Variants in WDR72 observed in about 807,000 individuals in gnomAD.
The protein encoded by WDR72 is WD repeat domain 72.
A neutral mutation model predicts 124.2 loss-of-function variants in WDR72; 120 were observed. The observed-to-expected ratio is 0.97, with a 90% CI of 0.83 to 1.12. The LOEUF (loss-of-function observed/expected upper bound fraction) is 1.12. WDR72 is among the 50% of genes most tolerant of loss of function. WDR72 has a pLI of 0.00. For synonymous variants in WDR72, 452 were observed against 441.7 expected, an observed-to-expected ratio of 1.02 and a Z score of -0.29; for missense variants, 1,387 against 1,278.8, an observed-to-expected ratio of 1.08 and a Z score of -1.29.
chr15:53,573,240 C>T (rs570214561), intron 18 of WDR72, among the ~76,000 whole-genome samples: 57 of 152,296 alleles, frequency 3.7e-4, no homozygotes, highest in African/African-American at 1.2e-3. Context: ...CTATTTCCTT[C>T]ATTCCATGAT....
chr15:53,615,475 CTAAAAA>C lies in WDR72; in HGVS notation c.2725_2730del (p.Phe909_Leu910del). 6.2e-7 allele frequency: 1 copy of C among 1,612,056 alleles called. No individual in the cohort carries two copies. The highest frequency in any genetic ancestry group is 8.5e-7 in the Non-Finnish European group (1 of 1,179,066). On this transcript the variant is annotated inframe_deletion, in exon 15 of 20. Coordinates refer to ENST00000360509, the MANE Select transcript of WDR72 (RefSeq NM_182758.4). The stretch of plus-strand genomic sequence containing the variant: ...AAAGGCATGTTAACTAATTTATTAA[CTAAAAA>C]TAGTCTGCTCAACAAATAAACTATA...
At chr15:53,742,715 A>C (rs2018541762) in intron 1 of WDR72, among the ~76,000 whole-genome samples, 1 of 152,206 alleles carries the variant, frequency 6.6e-6, no homozygotes, top group African/African-American at 2.4e-5. Flanking sequence ...ATAGAGGTCA[A>C]ATGAATTTCT....
chr15:53,679,499 G>A (rs765881413), intron 13 of WDR72, among the ~76,000 whole-genome samples: 3 of 152,106 alleles, frequency 2.0e-5, no homozygotes, highest in Non-Finnish European at 4.4e-5. Context: ...GGGACCATTG[G>A]CCATCAGGAG....
chr15:53,721,753 GTT>G (rs1398679829), intron 3 of WDR72, among the ~76,000 whole-genome samples: 1 of 152,104 alleles, frequency 6.6e-6, no homozygotes, highest in Non-Finnish European at 1.5e-5. Flanking sequence ...GGCTTATCTT[GTT>G]TCAACTAGAA....
At chr15:53,682,109 C>T (rs190450899) in intron 13 of WDR72, among the ~76,000 whole-genome samples, 1 of 148,280 alleles carries the variant, frequency 6.7e-6, no homozygotes, top group Non-Finnish European at 1.5e-5. Context: ...ACAATGCACA[C>T]CAGAAACCAC....
intron 14 of WDR72, among the ~76,000 whole-genome samples, chr15:53,630,764 G>A (rs1302515485): frequency 5.3e-5 from 8 of 152,274 alleles, no homozygotes; most frequent in South Asian, 2.1e-4. Context: ...TACTTATGGT[G>A]AAAAACCAAA....
chr15:53,730,781 A>C (rs1026334061), intron 2 of WDR72, among the ~76,000 whole-genome samples: 1 of 152,136 alleles, frequency 6.6e-6, no homozygotes, highest in African/African-American at 2.4e-5. Context: ...TCCTTTATAT[A>C]CACATTTTTT....
chr15:53,605,960 G>A (rs548129259), intron 17 of WDR72, among the ~76,000 whole-genome samples: 1 of 152,264 alleles, frequency 6.6e-6, no homozygotes, highest in African/African-American at 2.4e-5. Flanking sequence ...AAATGAGGAA[G>A]ACAAATAATC....
intron 1 of WDR72, among the ~76,000 whole-genome samples, chr15:53,745,724 G>A (rs1429231414): frequency 2.0e-5 from 3 of 152,108 alleles, no homozygotes; most frequent in Non-Finnish European, 4.4e-5. Context: ...AGGCATAGTA[G>A]GGTCTCTGGT....
chr15:53,710,848 T>C lies in WDR72; in HGVS notation c.954+9A>G, dbSNP rs1389665552. 1.9e-6 allele frequency: 3 copies of C among 1,602,724 alleles called. No homozygotes were observed. Among genetic ancestry groups the C allele is most frequent in the Non-Finnish European group, 2.6e-6 (3 of 1,169,682 alleles). ...CAGCTTTGAGGCAGTCACTCTTTTC[T>C]TGCATTACCTTATTTTCCTGCACAG... On this transcript the variant is annotated intron_variant, in intron 9 of 19. Coordinates refer to ENST00000360509, the MANE Select transcript of WDR72 (RefSeq NM_182758.4).
rs1408039110 is a variant in WDR72 at position 53,710,911 on chromosome 15, A to C, written c.900T>G (p.Leu300=). The C allele has an allele frequency of 1.9e-6, 3 of 1,613,924 alleles. No individual in the cohort carries two copies. The highest frequency in any genetic ancestry group is 4.5e-5 in the East Asian group (2 of 44,876). ...GTAAATGAGGATAAATGGTCTCTTT[A>C]AGCACTCTTCCATCAGCAGGGTATA... ...KSIYPADGRV[L]KETIYPHLLC... Residue 300 remains leucine (L), a synonymous_variant, in exon 9 of 20, where the codon CTT becomes CTG. Transcript: ENST00000360509.
At chr15:53,757,796 T>C (rs904916364) in intron 1 of WDR72, among the ~76,000 whole-genome samples, 1 of 152,206 alleles carries the variant, frequency 6.6e-6, no homozygotes, top group African/African-American at 2.4e-5. Context: ...CTTGAAATCT[T>C]AAAATCTTAC....
In WDR72 at chr15:53,705,915, A is replaced by G; in HGVS notation, c.1102+12T>C. 6.2e-7 allele frequency: 1 copy of G among 1,614,022 alleles called. No homozygotes were observed. Among genetic ancestry groups the G allele is most frequent in the Non-Finnish European group, 8.5e-7 (1 of 1,179,950 alleles). On this transcript the variant is annotated intron_variant, in intron 10 of 19. Transcript: ENST00000360509. ...TCAGAAGACATGTTACTAGAAAAGG[A>G]AACTGACTTACCTCTAGGAGAACCA...
intron 14 of WDR72, among the ~76,000 whole-genome samples, chr15:53,647,329 C>G (rs690120): frequency 0.091 from 13,838 of 151,940 alleles, 1,606 homozygotes; most frequent in African/African-American, 0.28. Context: ...AATAGCCTTT[C>G]CTATATTATT....
chr15:53,583,163 G>A (rs573672474), intron 18 of WDR72, among the ~76,000 whole-genome samples: 18 of 152,036 alleles, frequency 1.2e-4, no homozygotes, highest in Admixed American at 9.8e-4. Flanking sequence ...TATCATCATA[G>A]TAAAGCTATG....
At chr15:53,653,203 T>C (rs995997480) in intron 14 of WDR72, among the ~76,000 whole-genome samples, 24 of 152,244 alleles carry the variant, frequency 1.6e-4, no homozygotes, top group African/African-American at 5.8e-4. Context: ...TTCAGTAGTT[T>C]TCAGTTCATG....
intron 14 of WDR72, among the ~76,000 whole-genome samples, chr15:53,663,179 C>T (rs1042763445): frequency 2.0e-5 from 3 of 151,896 alleles, no homozygotes; most frequent in African/African-American, 7.3e-5. Context: ...GTATAATAGA[C>T]ATTGAAGATA....
chr15:53,760,704 CG>C (rs1567069264), upstream of WDR72, among the ~76,000 whole-genome samples: 1 of 152,042 alleles, frequency 6.6e-6, no homozygotes, highest in East Asian at 1.9e-4. Context: ...ACCTAGCAAT[CG>C]GGTTGCTGGA....
Position 53,631,386 on chromosome 15 carries a change from C to T in WDR72, c.1963-15143G>A, listed in dbSNP as rs139712320. Among the ~76,000 whole-genome samples the T allele has an allele frequency of 4.3e-3, 662 of 152,298 alleles. 5 individuals are homozygous for T. Among genetic ancestry groups the T allele is most frequent in the African/African-American group, 0.015 (633 of 41,550 alleles). On this transcript the variant is annotated intron_variant, in intron 14 of 19. Transcript: ENST00000360509. ...CTGCAGAACTGTAAACCAATTAAAC[C>T]TCCTTTCTTTATAAATTACCCAGTC...
Sources: allele counts gnomAD v4.1 joint callset (sites outside exome capture counted in the v4.1 genomes callset), GRCh38; gene constraint gnomAD v4.1.1; transcripts MANE v1.5; gene names NCBI Gene and HGNC (gene_info 2026-07-23, HGNC 2026-07-21).